The following PCDH9 variants were observed in gnomAD, a reference collection of about 807,000 sequenced individuals.
PCDH9 encodes protocadherin-9.
In PCDH9, 24 loss-of-function variants were observed where a neutral mutation model predicts 70.6. The observed-to-expected ratio is 0.34, with a 90% confidence interval of 0.25 to 0.48. PCDH9 has a LOEUF of 0.48. Ranked by LOEUF, PCDH9 falls within the 20% of genes least tolerant of loss-of-function variation. The probability of loss-of-function intolerance (pLI) is 0.99; values close to 1 mark genes in which losing one functional copy is unlikely to be tolerated. For missense variants in PCDH9, 1,281 were observed against 1,503.6 expected (o/e 0.85, Z 2.45); for synonymous variants, 562 against 558.5 (o/e 1.01, Z -0.09).
chr13:66,452,047 G>A (rs1383108354), intron 4 of PCDH9, among the ~76,000 whole-genome samples: 3 of 152,124 alleles, frequency 2.0e-5, no homozygotes, highest in African/African-American at 7.2e-5. Flanking sequence ...TGACAGTTGT[G>A]TCTTTGATAA....
chr13:66,320,249 T>C (rs1046160403), intron 4 of PCDH9, among the ~76,000 whole-genome samples: 5 of 152,102 alleles, frequency 3.3e-5, no homozygotes, highest in African/African-American at 1.2e-4. Context: ...GCAGTCTCTG[T>C]GTCTTTTTGA....
At chr13:67,174,288 A>G (rs992238987) in intron 2 of PCDH9, among the ~76,000 whole-genome samples, 18 of 150,716 alleles carry the variant, frequency 1.2e-4, no homozygotes, top group Non-Finnish European at 2.1e-4. Flanking sequence ...AGCTAGATAG[A>G]CAGATGATAG....
chr13:66,761,409 C>T (rs1253327209), intron 3 of PCDH9, among the ~76,000 whole-genome samples: 1 of 152,106 alleles, frequency 6.6e-6, no homozygotes, highest in Non-Finnish European at 1.5e-5. Context: ...TTGGATACAT[C>T]TATTCTTTTT....
chr13:66,941,834 G>A (rs553976029), intron 2 of PCDH9, among the ~76,000 whole-genome samples: 5 of 151,840 alleles, frequency 3.3e-5, no homozygotes, highest in Non-Finnish European at 7.4e-5. Context: ...TGCAACTAAC[G>A]TTAAGAAATA....
intron 4 of PCDH9, among the ~76,000 whole-genome samples, chr13:66,360,328 A>T (rs543139866): frequency 2.0e-5 from 3 of 152,236 alleles, no homozygotes; most frequent in African/African-American, 4.8e-5. Context: ...TCCTAAACCA[A>T]GGTCAGCATA....
chr13:66,422,678 C>T (rs1230759433), intron 4 of PCDH9, among the ~76,000 whole-genome samples: 1 of 152,060 alleles, frequency 6.6e-6, no homozygotes. Flanking sequence ...AAATTTATGG[C>T]ACTAAATGCC....
chr13:66,393,104 T>G (rs1957046538), intron 4 of PCDH9, among the ~76,000 whole-genome samples: 1 of 152,152 alleles, frequency 6.6e-6, no homozygotes, highest in Non-Finnish European at 1.5e-5. Flanking sequence ...AGGTCTAGAC[T>G]TCACTGTTCT....
At chr13:66,352,786 T>C (rs947556198) in intron 4 of PCDH9, among the ~76,000 whole-genome samples, 1 of 152,178 alleles carries the variant, frequency 6.6e-6, no homozygotes, top group African/African-American at 2.4e-5. Flanking sequence ...GTATAATGTG[T>C]TTTATAAACA....
intron 3 of PCDH9, among the ~76,000 whole-genome samples, chr13:66,789,920 A>T (rs1444690332): frequency 3.3e-5 from 5 of 152,156 alleles, no homozygotes; most frequent in African/African-American, 1.2e-4. Context: ...AATTCTGTCT[A>T]TTTGAGTAAG....
chr13:67,154,455 T>C (rs2087744997), intron 2 of PCDH9, among the ~76,000 whole-genome samples: 1 of 150,954 alleles, frequency 6.6e-6, no homozygotes, highest in Non-Finnish European at 1.5e-5. Context: ...TAAGTGCCTA[T>C]AGTCCCAGCT....
chr13:67,093,411 G>A (rs373098596), intron 2 of PCDH9, among the ~76,000 whole-genome samples: 4 of 151,958 alleles, frequency 2.6e-5, no homozygotes, highest in East Asian at 3.9e-4. Flanking sequence ...CTAAGATTGC[G>A]CCACTGCACT....
chr13:66,557,737 A>G (rs1348280516), intron 4 of PCDH9, among the ~76,000 whole-genome samples: 1 of 152,228 alleles, frequency 6.6e-6, no homozygotes, highest in African/African-American at 2.4e-5. Context: ...CTGAAGGAGA[A>G]GATGTGCTAA....
At chr13:66,336,437 C>T (rs922127732) in intron 4 of PCDH9, among the ~76,000 whole-genome samples, 43 of 151,642 alleles carry the variant, frequency 2.8e-4, no homozygotes, top group African/African-American at 9.0e-4. Flanking sequence ...ATGTCACCCT[C>T]TAAAAATAAC....
At chr13:66,937,894 T>C (rs2082943180) in intron 2 of PCDH9, among the ~76,000 whole-genome samples, 1 of 152,160 alleles carries the variant, frequency 6.6e-6, no homozygotes, top group South Asian at 2.1e-4. Flanking sequence ...GCTGTCATTC[T>C]GGGGGTTGCC....
chr13:66,418,246 C>T (rs1490700026), intron 4 of PCDH9, among the ~76,000 whole-genome samples: 1 of 152,164 alleles, frequency 6.6e-6, no homozygotes, highest in Non-Finnish European at 1.5e-5. Context: ...TTTCCAAACA[C>T]CATTTATAAA....
chr13:66,636,527 A>G (rs1457966364), intron 3 of PCDH9, among the ~76,000 whole-genome samples: 3 of 152,118 alleles, frequency 2.0e-5, no homozygotes, highest in African/African-American at 7.2e-5. Flanking sequence ...AATGACAGAC[A>G]TTTAAAATAA....
At chr13:66,700,963 T>TATAC (rs2078637446) in intron 3 of PCDH9, among the ~76,000 whole-genome samples, 2 of 128,246 alleles carry the variant, frequency 1.6e-5, no homozygotes, top group Non-Finnish European at 3.3e-5. Flanking sequence ...TATATATATA[T>TATAC]ATATATACTT....
chr13:67,011,837 A>G (rs1312815195), intron 2 of PCDH9, among the ~76,000 whole-genome samples: 1 of 151,944 alleles, frequency 6.6e-6, no homozygotes, highest in East Asian at 1.9e-4. Context: ...CCTTGAAAAT[A>G]TGACTAGGTC....
At position 66,799,055 on chromosome 13, in the gene PCDH9, T is replaced by C. The variant is rs186762083; in HGVS notation, c.3138+104449A>G. ...GTCTCAAACTCTTGACCTCAAGTGA[T>C]TGGCCTGCCTCGGCTGCCCAAAGTG... is the stretch of plus-strand genomic sequence containing the variant. On this transcript the variant is annotated intron_variant, in intron 3 of 4. Coordinates refer to ENST00000377865, the MANE Select transcript of PCDH9 (RefSeq NM_203487.3). 4.7e-4 allele frequency among the ~76,000 whole-genome samples: 71 copies of C among 152,250 alleles called. 1 individual carries two copies. The highest frequency in any genetic ancestry group is 4.3e-3 in the Admixed American group (66 of 15,286).
Sources: gnomAD v4.1 joint callset for allele counts (sites outside exome capture counted in the v4.1 genomes callset) on GRCh38, gnomAD v4.1.1 for gene constraint, MANE v1.5 for transcripts, NCBI Gene and HGNC (gene_info 2026-07-23, HGNC 2026-07-21) for gene names.